The following MGAT5 variants were observed in gnomAD, a reference collection of about 807,000 sequenced individuals.
The protein encoded by MGAT5 is alpha-1,6-mannosylglycoprotein 6-beta-N-acetylglucosaminyltransferase.
In MGAT5, 30 loss-of-function variants were observed where a neutral mutation model predicts 94.3. The ratio of observed to expected loss-of-function variants is 0.32; its 90% CI spans 0.24 to 0.43. The LOEUF (loss-of-function observed/expected upper bound fraction) is 0.43, where lower values mean the gene tolerates loss of function less well. Ranked by LOEUF, MGAT5 falls within the 20% of genes least tolerant of loss-of-function variation. MGAT5 has a pLI of 1.00. For missense variants in MGAT5, 691 were observed against 905.5 expected (o/e 0.76, Z 3.04); for synonymous variants, 310 against 322.9 (o/e 0.96, Z 0.43).
chr2:134,161,960 G>T (rs1687757431), intron 1 of MGAT5, among the ~76,000 whole-genome samples: 1 of 152,026 alleles, frequency 6.6e-6, no homozygotes, highest in African/African-American at 2.4e-5. Context: ...GGAGGCTGAG[G>T]CGGGCAGATC....
Position 134,337,488 on chromosome 2 carries a change from A to G in MGAT5, c.646-771A>G, listed in dbSNP as rs1688400056. On this transcript the variant is annotated intron_variant, in intron 5 of 15. Transcript: ENST00000281923. Reference sequence around the variant, plus strand: ...GAGACCCTATCTCAAAGGGGGATAAAGAAGGAAAAGAGATGAGTGTTCAGA... The same window carrying G: ...GAGACCCTATCTCAAAGGGGGATAAGGAAGGAAAAGAGATGAGTGTTCAGA... Among the ~76,000 whole-genome samples the G allele has an allele frequency of 6.6e-5, 10 of 152,174 alleles. No individual in the cohort carries two copies. In the South Asian group the frequency reaches 2.1e-3, roughly 32 times the overall value.
chr2:134,186,995 A>G (rs1306402326), intron 1 of MGAT5, among the ~76,000 whole-genome samples: 2 of 152,196 alleles, frequency 1.3e-5, no homozygotes, highest in Non-Finnish European at 2.9e-5. Context: ...GCAGAGTGCC[A>G]AGGCAGTATC....
chr2:134,124,151 T>C (rs1022739274), intron 1 of MGAT5, among the ~76,000 whole-genome samples: 1 of 152,218 alleles, frequency 6.6e-6, no homozygotes, highest in African/African-American at 2.4e-5. Context: ...TATCTCACTT[T>C]TAATTTAGCA....
chr2:134,162,248 C>A lies in MGAT5; in HGVS notation c.-143+41957C>A, dbSNP rs562309734. On this transcript the variant is annotated intron_variant, in intron 1 of 16. Coordinates refer to the MGAT5 transcript ENST00000409645. ...CTTAAAGAAATGGTTCTCCTTGCAG[C>A]TCACCATGTAATTTTCTTGTACTCA... 3.3e-5 allele frequency among the ~76,000 whole-genome samples: 5 copies of A among 152,174 alleles called. No homozygotes were observed. The South Asian group carries it at 1.0e-3, about 32-fold the overall frequency.
Position 134,349,787 on chromosome 2 carries a change from A to T in MGAT5, c.1113-18A>T. Reference sequence around the variant, plus strand: ...GGGGCAAGTATGTAGTGTTCAACACATTGCTTTTTTCTTTCAGGTGCATGC... The same window carrying T: ...GGGGCAAGTATGTAGTGTTCAACACTTTGCTTTTTTCTTTCAGGTGCATGC... On this transcript the variant is annotated intron_variant, in intron 8 of 15. Coordinates refer to ENST00000281923, the MANE Select transcript of MGAT5 (RefSeq NM_002410.5). The T allele has an allele frequency of 6.2e-7, 1 of 1,612,640 alleles. No homozygotes were observed. Among genetic ancestry groups the T allele is most frequent in the Non-Finnish European group, 8.5e-7 (1 of 1,179,478 alleles).
At chr2:134,276,313 A>G (rs1684370112) in intron 2 of MGAT5, among the ~76,000 whole-genome samples, 1 of 152,282 alleles carries the variant, frequency 6.6e-6, no homozygotes, top group South Asian at 2.1e-4. Flanking sequence ...GCTTTTGGCA[A>G]TGTACATTTT....
intron 10 of MGAT5, among the ~76,000 whole-genome samples, chr2:134,390,432 C>T (rs1023666673): frequency 2.0e-5 from 3 of 152,098 alleles, no homozygotes; most frequent in Admixed American, 6.5e-5. Flanking sequence ...TATACATGTG[C>T]CATGTTGGTG....
chr2:134,172,543 C>T (rs559821636), intron 1 of MGAT5, among the ~76,000 whole-genome samples: 14 of 152,130 alleles, frequency 9.2e-5, no homozygotes, highest in South Asian at 2.1e-4. Flanking sequence ...CCCACCACCA[C>T]GCCCAGCTAA....
At chr2:134,292,696 G>A (rs1034271078) in intron 2 of MGAT5, among the ~76,000 whole-genome samples, 2 of 152,124 alleles carry the variant, frequency 1.3e-5, no homozygotes, top group African/African-American at 2.4e-5. Context: ...TGTTTTTCCT[G>A]TTAGGATCTA....
intron 1 of MGAT5, among the ~76,000 whole-genome samples, chr2:134,153,585 C>T (rs998783743): frequency 2.0e-5 from 3 of 152,138 alleles, no homozygotes; most frequent in East Asian, 1.9e-4. Flanking sequence ...AGGCTGGAAA[C>T]GTAATCCAGT....
At chr2:134,176,728 A>G (rs1266425797) in intron 1 of MGAT5, among the ~76,000 whole-genome samples, 2 of 152,242 alleles carry the variant, frequency 1.3e-5, no homozygotes, top group Admixed American at 6.5e-5. Context: ...AAAAGTTTCT[A>G]GAACACTTAC....
At chr2:134,279,456 C>A (rs1037621229) in intron 2 of MGAT5, among the ~76,000 whole-genome samples, 1 of 152,180 alleles carries the variant, frequency 6.6e-6, no homozygotes, top group Non-Finnish European at 1.5e-5. Context: ...ATGAATAGTT[C>A]TTGCAGAAAA....
intron 1 of MGAT5, among the ~76,000 whole-genome samples, chr2:134,262,029 A>T (rs1193073666): frequency 6.6e-6 from 1 of 152,248 alleles, no homozygotes; most frequent in Non-Finnish European, 1.5e-5. Flanking sequence ...TGTTGGGCGG[A>T]TGGAACACAT....
chr2:134,378,211 G>A lies in MGAT5; in HGVS notation c.1380+15803G>A, dbSNP rs151229294. On this transcript the variant is annotated intron_variant, in intron 10 of 15. Coordinates refer to ENST00000281923, the MANE Select transcript of MGAT5 (RefSeq NM_002410.5). ...AGGAAGTGTTTTATATCTGGTTCCC[G>A]GGAAACTTCTTCTACAGCATCAGGA... 3.1e-3 allele frequency among the ~76,000 whole-genome samples: 466 copies of A among 152,282 alleles called. 2 individuals carry two copies. Among genetic ancestry groups the A allele is most frequent in the Admixed American group, 5.2e-3 (80 of 15,304 alleles).
At chr2:134,126,365 T>C (rs1685839056) in intron 1 of MGAT5, among the ~76,000 whole-genome samples, 1 of 152,230 alleles carries the variant, frequency 6.6e-6, no homozygotes, top group Non-Finnish European at 1.5e-5. Flanking sequence ...GGTTGAGAAG[T>C]AAGAGGGGAT....
At position 134,213,916 on chromosome 2, in the gene MGAT5, C is replaced by T. The variant is rs147291876; in HGVS notation, c.-142-40346C>T. Reference sequence around the variant, plus strand: ...TCATGGAGGCCTCATTATGTAGGGACGATCGATTAAATCAATGTCCACCCT... The same window carrying T: ...TCATGGAGGCCTCATTATGTAGGGATGATCGATTAAATCAATGTCCACCCT... On this transcript the variant is annotated intron_variant, in intron 1 of 16. Coordinates refer to the MGAT5 transcript ENST00000409645. Among the ~76,000 whole-genome samples the T allele has an allele frequency of 2.8e-3, 421 of 152,176 alleles. 2 individuals carry two copies. Among genetic ancestry groups the T allele is most frequent in the African/African-American group, 9.9e-3 (410 of 41,492 alleles).
At chr2:134,127,952 A>G (rs112705255) in intron 1 of MGAT5, among the ~76,000 whole-genome samples, 2 of 149,078 alleles carry the variant, frequency 1.3e-5, no homozygotes, top group African/African-American at 4.9e-5. Flanking sequence ...GTCTGTGGAC[A>G]TTTTTTTTTT....
intron 1 of MGAT5, among the ~76,000 whole-genome samples, chr2:134,246,883 C>T (rs1224268900): frequency 6.6e-6 from 1 of 152,214 alleles, no homozygotes; most frequent in Non-Finnish European, 1.5e-5. Context: ...CGTTGTCTTC[C>T]AGTCTGTAAA....
At chr2:134,426,881 CCT>C (rs1309547709) in intron 13 of MGAT5, among the ~76,000 whole-genome samples, 7 of 152,086 alleles carry the variant, frequency 4.6e-5, no homozygotes, top group Admixed American at 2.0e-4. Flanking sequence ...AATAGAGTGA[CCT>C]CTCTGTTCTT....
Sources: gnomAD v4.1 joint callset for allele counts (sites outside exome capture counted in the v4.1 genomes callset) on GRCh38, gnomAD v4.1.1 for gene constraint, MANE v1.5 for transcripts, NCBI Gene and HGNC (gene_info 2026-07-23, HGNC 2026-07-21) for gene names.